COPZ1: variants seen among roughly 807,000 people sequenced by gnomAD.
COPZ1 encodes the protein coatomer subunit zeta-1.
COPZ1 carries 4 observed loss-of-function variants against 31.7 expected under a neutral mutation model. The ratio of observed to expected loss-of-function variants is 0.13; its 90% CI spans 0.06 to 0.29. COPZ1 has a LOEUF of 0.29. Ranked by LOEUF, COPZ1 falls within the 10% of genes least tolerant of loss-of-function variation. The probability of loss-of-function intolerance (pLI) is 1.00; values close to 1 mark genes in which losing one functional copy is unlikely to be tolerated. For synonymous variants in COPZ1, 74 were observed against 79.0 expected (o/e 0.94, Z 0.33); for missense variants, 156 against 211.5 (o/e 0.74, Z 1.63).
chr12:54,325,871 G>T (rs1351293030), intron 1 of COPZ1, among the ~76,000 whole-genome samples: 1 of 143,554 alleles, frequency 7.0e-6, no homozygotes, highest in Non-Finnish European at 1.5e-5. Context: ...GCTGGAGTGC[G>T]CACGTGGCGC....
At chr12:54,337,150 T>TA (rs1953886299) in intron 1 of COPZ1, 1 of 530,842 alleles carries the variant, frequency 1.9e-6, no homozygotes, top group East Asian at 5.5e-5. Context: ...AATAAAAACA[T>TA]AAATACATGA....
intron 2 of COPZ1, among the ~76,000 whole-genome samples, 178 bp downstream of exon 2, chr12:54,340,793 G>C (rs193131460): frequency 6.6e-6 from 1 of 151,698 alleles, no homozygotes; most frequent in Non-Finnish European, 1.5e-5. Flanking sequence ...GTGCAATGGC[G>C]TGACCTTGGC....
At chr12:54,340,737 T>C (rs1357747791) in intron 2 of COPZ1, 122 bp downstream of exon 2, 70 of 1,041,632 alleles carry the variant, frequency 6.7e-5, no homozygotes, top group Non-Finnish European at 9.3e-5. Context: ...AATACTTCCA[T>C]CTTTTTTTTT....
chr12:54,344,004 T>A (rs1954017616), intron 4 of COPZ1, among the ~76,000 whole-genome samples: 1 of 152,228 alleles, frequency 6.6e-6, no homozygotes, highest in Non-Finnish European at 1.5e-5. Context: ...TATATGAAAT[T>A]ACTTGTATGT....
chr12:54,347,022 A>G (rs1004327769), intron 5 of COPZ1, among the ~76,000 whole-genome samples: 1 of 152,166 alleles, frequency 6.6e-6, no homozygotes, highest in Non-Finnish European at 1.5e-5. Context: ...TCATTCCCCC[A>G]GCAGCTCCCA....
rs1555152047 is a variant in COPZ1 at position 54,326,124 on chromosome 12, A to AATAATTATTATTATTATTATT, written c.18+945_18+946insAATTATTATTATTATTATTAT. On this transcript the variant is annotated intron_variant, in intron 1 of 8. Transcript: ENST00000262061. The stretch of plus-strand genomic sequence containing the variant: ...GCTTGAACCACCGCGCCTGGCCAGG[A>AATAATTATTATTATTATTATT]ATTATTATTATTATTATTATTATTA... 1.9e-3 allele frequency among the ~76,000 whole-genome samples: 264 copies of AATAATTATTATTATTATTATT among 139,166 alleles called. 1 individual carries two copies. Among genetic ancestry groups the AATAATTATTATTATTATTATT allele is most frequent in the African/African-American group, 6.4e-3 (240 of 37,678 alleles). 91.3% of individuals were successfully genotyped at this position (139,166 alleles called of 152,430 possible). A position where few individuals can be genotyped will look rare whatever the true frequency, so the allele number is the denominator to read the frequency against.
In COPZ1 at chr12:54,350,666, C is replaced by T; in HGVS notation, c.*143C>T. On this transcript the variant is annotated 3_prime_UTR_variant, in exon 9 of 9. Coordinates refer to ENST00000262061, the MANE Select transcript of COPZ1 (RefSeq NM_016057.3). Reference sequence around the variant, plus strand: ...TAAATCTCCATTCTGTTTGTGGTTGCCCCCTCAACCTCCCCTACACCCTTC... The same window carrying T: ...TAAATCTCCATTCTGTTTGTGGTTGTCCCCTCAACCTCCCCTACACCCTTC... 1 of 713,782 alleles carries T rather than the reference C, an allele frequency of 1.4e-6. No individual in the cohort carries two copies. The highest frequency in any genetic ancestry group is 1.5e-5 in the South Asian group (1 of 65,134). The allele number at this position is 713,782 out of a possible 1,614,324, so 44.2% of individuals were successfully genotyped here. A position where few individuals can be genotyped will look rare whatever the true frequency, so the allele number is the denominator to read the frequency against.
Position 54,351,723 on chromosome 12 carries a change from T to A in COPZ1, c.*1200T>A, listed in dbSNP as rs1954151848. On this transcript the variant is annotated 3_prime_UTR_variant, in exon 9 of 9. Coordinates refer to ENST00000262061, the MANE Select transcript of COPZ1 (RefSeq NM_016057.3). ...TTACTAACTGCCAGTTCTCCAGCAC[T>A]GAGGTGGGGCAGATAACGGGGCATA... The A allele has an allele frequency of 6.6e-6, 1 of 152,202 alleles. No individual in the cohort carries two copies. Among genetic ancestry groups the A allele is most frequent in the Non-Finnish European group, 1.5e-5 (1 of 68,040 alleles). 9.4% of individuals were successfully genotyped at this position (152,202 alleles called of 1,614,324 possible). A position where few individuals can be genotyped will look rare whatever the true frequency, so the allele number is the denominator to read the frequency against.
intron 8 of COPZ1, 149 bp downstream of exon 8, chr12:54,349,807 A>G (rs1211955636): frequency 1.3e-6 from 1 of 765,220 alleles, no homozygotes; most frequent in African/African-American, 1.7e-5. Context: ...ACTGGGACTC[A>G]TACAGCCAGC....
At chr12:54,338,423 A>C (rs1321070060) in intron 1 of COPZ1, among the ~76,000 whole-genome samples, 2 of 151,816 alleles carry the variant, frequency 1.3e-5, no homozygotes, top group Non-Finnish European at 2.9e-5. Context: ...ACTCTAGAGG[A>C]CTTCCCTCCA....
At chr12:54,343,678 C>T (rs1258061994) in intron 4 of COPZ1, among the ~76,000 whole-genome samples, 1 of 152,142 alleles carries the variant, frequency 6.6e-6, no homozygotes, top group Non-Finnish European at 1.5e-5. Flanking sequence ...TAGCTAACAA[C>T]CTGGGTCATG....
At chr12:54,328,138 T>G (rs1259283983) in intron 1 of COPZ1, among the ~76,000 whole-genome samples, 16 of 148,004 alleles carry the variant, frequency 1.1e-4, no homozygotes, top group African/African-American at 4.0e-4. Flanking sequence ...TAGCTGGGCG[T>G]GGTGGCACGA....
intron 8 of COPZ1, chr12:54,350,129 T>A (rs1954122859): frequency 3.1e-6 from 2 of 638,732 alleles, no homozygotes; most frequent in Non-Finnish European, 5.6e-6. Context: ...GGGTTCCGTT[T>A]TCTACCCACT....
At chr12:54,343,892 T>G (rs1954015457) in intron 4 of COPZ1, among the ~76,000 whole-genome samples, 1 of 152,268 alleles carries the variant, frequency 6.6e-6, no homozygotes, top group Non-Finnish European at 1.5e-5. Context: ...TTGGTATAAG[T>G]GCTTTGTAAA....
chr12:54,348,390 T>C (rs1423836249), intron 7 of COPZ1, among the ~76,000 whole-genome samples: 1 of 152,232 alleles, frequency 6.6e-6, no homozygotes, highest in East Asian at 1.9e-4. Context: ...CTTATTCCCT[T>C]CTTGGAGATG....
At chr12:54,336,082 A>G (rs1001690106) in intron 1 of COPZ1, among the ~76,000 whole-genome samples, 1 of 152,200 alleles carries the variant, frequency 6.6e-6, no homozygotes, top group African/African-American at 2.4e-5. Context: ...ATAATTCATT[A>G]TAGTTTCCAA....
At chr12:54,338,299 T>G (rs563545560) in intron 1 of COPZ1, among the ~76,000 whole-genome samples, 2 of 152,328 alleles carry the variant, frequency 1.3e-5, no homozygotes, top group Non-Finnish European at 2.9e-5. Context: ...TTGTCTCCCT[T>G]TTGGAATTGA....
At chr12:54,339,506 C>T (rs1045784061) in intron 1 of COPZ1, among the ~76,000 whole-genome samples, 1 of 152,046 alleles carries the variant, frequency 6.6e-6, no homozygotes, top group Non-Finnish European at 1.5e-5. Context: ...CGCCACCACA[C>T]CTGGCTAATT....
intron 1 of COPZ1, among the ~76,000 whole-genome samples, chr12:54,337,019 CAAAAAA>C (rs1182592654): frequency 0.33 from 19,957 of 60,964 alleles, 1,531 homozygotes; most frequent in East Asian, 0.46. Flanking sequence ...GAGACTGTCG[CAAAAAA>C]AAAAAAAAAA....
Sources: allele counts gnomAD v4.1 joint callset (sites outside exome capture counted in the v4.1 genomes callset), GRCh38; gene constraint gnomAD v4.1.1; transcripts MANE v1.5; gene names NCBI Gene and HGNC (gene_info 2026-07-23, HGNC 2026-07-21).